The following SEC11C variants were observed in gnomAD, a reference collection of about 807,000 sequenced individuals.
SEC11C encodes the protein signal peptidase complex catalytic subunit SEC11C.
SEC11C carries 10 observed loss-of-function variants against 21.9 expected under a neutral mutation model. The observed-to-expected ratio is 0.46, with a 90% CI of 0.28 to 0.77. SEC11C has a LOEUF of 0.77. Ranked by LOEUF, SEC11C falls within the 30% of genes least tolerant of loss-of-function variation. The pLI, the probability that SEC11C is intolerant of heterozygous loss-of-function variation, is 0.12. For synonymous variants in SEC11C, 83 were observed against 85.6 expected (o/e 0.97, Z 0.17); for missense variants, 145 against 244.5 (o/e 0.59, Z 2.71).
chr18:59,144,321 A>G (rs2144026744), intron 1 of SEC11C, among the ~76,000 whole-genome samples: 1 of 152,352 alleles, frequency 6.6e-6, no homozygotes, highest in East Asian at 1.9e-4. Flanking sequence ...ACCTCTTAAT[A>G]CTAATGCCAA....
intron 5 of SEC11C, among the ~76,000 whole-genome samples, chr18:59,157,901 C>A (rs1011855025): frequency 2.0e-5 from 3 of 152,038 alleles, no homozygotes; most frequent in African/African-American, 7.2e-5. Context: ...CTAATTGTTG[C>A]TTTTTATTAT....
chr18:59,141,248 G>T (rs999971961), intron 1 of SEC11C, among the ~76,000 whole-genome samples: 1 of 152,288 alleles, frequency 6.6e-6, no homozygotes, highest in South Asian at 2.1e-4. Context: ...TTAGGATGTG[G>T]TAGTGTCTAG....
chr18:59,152,848 G>T, intron 3 of SEC11C, 163 bp downstream of exon 3: 2 of 553,544 alleles, frequency 3.6e-6, no homozygotes, highest in Non-Finnish European at 3.1e-6. Flanking sequence ...GATGGGAGTT[G>T]TAGTAGTTAA....
At chr18:59,155,934 A>G (rs1216535231) in intron 4 of SEC11C, 127 bp downstream of exon 4, 16 of 1,128,734 alleles carry the variant, frequency 1.4e-5, no homozygotes, top group East Asian at 2.6e-5. Flanking sequence ...AAGCAGTTCT[A>G]GTTTATCCTG....
chr18:59,158,130 A>G (rs894700809), intron 5 of SEC11C, among the ~76,000 whole-genome samples: 3 of 152,122 alleles, frequency 2.0e-5, no homozygotes, highest in Non-Finnish European at 2.9e-5. Flanking sequence ...ATTTCGGCTC[A>G]CCACAACCTC....
At chr18:59,156,120 C>A in intron 4 of SEC11C, 1 of 214,630 alleles carries the variant, frequency 4.7e-6, no homozygotes, top group Non-Finnish European at 9.2e-6. Flanking sequence ...TCACTTGAGC[C>A]CAGGAGTTCC....
At chr18:59,142,705 T>C (rs974667074) in intron 1 of SEC11C, among the ~76,000 whole-genome samples, 2 of 152,210 alleles carry the variant, frequency 1.3e-5, no homozygotes, top group African/African-American at 2.4e-5. Context: ...TTCTTAAGTA[T>C]TTGCTTTGTG....
At chr18:59,149,864 A>G (rs1195216167) in intron 2 of SEC11C, among the ~76,000 whole-genome samples, 1 of 152,190 alleles carries the variant, frequency 6.6e-6, no homozygotes, top group African/African-American at 2.4e-5. Flanking sequence ...ATGCTCGTGT[A>G]CCTAATCCAT....
At chr18:59,151,075 A>C (rs1227129922) in intron 2 of SEC11C, among the ~76,000 whole-genome samples, 1 of 152,180 alleles carries the variant, frequency 6.6e-6, no homozygotes, top group Non-Finnish European at 1.5e-5. Flanking sequence ...CCCATGAGGA[A>C]AGCAAGTAGA....
intron 1 of SEC11C, among the ~76,000 whole-genome samples, chr18:59,142,454 C>T (rs570744305): frequency 3.3e-5 from 5 of 152,294 alleles, no homozygotes; most frequent in African/African-American, 1.2e-4. Context: ...TGGGGCTTTC[C>T]TCATCAGATC....
At position 59,139,993 on chromosome 18, in the gene SEC11C, C is replaced by T. The variant is rs201963832; in HGVS notation, c.45C>T (p.Gly15=). The change falls in exon 1 of 6, where the codon GGC becomes GGT. Residue 15 remains glycine, a synonymous_variant. Transcript: ENST00000587834. ...TGGGGGCTCATCTCCCCGCGTCCGG[C>T]TTGGATATCTTCGGGGACCTGAAGA... ...GAVGAHLPAS[G]LDIFGDLKKM... is the part of the protein sequence containing the mutation. The T allele has an allele frequency of 1.1e-5, 18 of 1,594,956 alleles. No individual in the cohort carries two copies. The highest frequency in any genetic ancestry group is 1.7e-5 in the Admixed American group (1 of 58,846).
chr18:59,155,906 A>C (rs748648641), intron 4 of SEC11C, 99 bp downstream of exon 4: 110 of 1,371,460 alleles, frequency 8.0e-5, no homozygotes, highest in Non-Finnish European at 1.1e-4. Flanking sequence ...TACAAATATG[A>C]CATATCAGGA....
chr18:59,142,362 A>G (rs1362999639), intron 1 of SEC11C, among the ~76,000 whole-genome samples: 1 of 131,522 alleles, frequency 7.6e-6, no homozygotes, highest in East Asian at 2.7e-4. Flanking sequence ...TTTACTGGCT[A>G]AGTGGCAAGA....
chr18:59,153,874 T>G (rs2069388672), intron 3 of SEC11C, among the ~76,000 whole-genome samples: 1 of 152,044 alleles, frequency 6.6e-6, no homozygotes, highest in Admixed American at 6.6e-5. Flanking sequence ...ACCCGGCTAA[T>G]TTTTGTATTT....
rs1316888691 is a variant in SEC11C at position 59,155,654 on chromosome 18, A to G, written c.348-34A>G. 5 of 1,601,760 alleles carry G rather than the reference A, an allele frequency of 3.1e-6. No individual in the cohort carries two copies. In the African/African-American group the frequency reaches 4.0e-5, roughly 13 times the overall value. The stretch of plus-strand genomic sequence containing the variant: ...TTTTGTTAATGATGCTGTGCTGAAA[A>G]TAATTTTTGAGAAGACATTATTTTG... On this transcript the variant is annotated intron_variant, in intron 3 of 5. Coordinates refer to ENST00000587834, the MANE Select transcript of SEC11C (RefSeq NM_033280.4).
chr18:59,139,918 G>T lies in SEC11C; in HGVS notation c.-31G>T. On this transcript the variant is annotated 5_prime_UTR_variant, in exon 1 of 6. Transcript: ENST00000587834. ...GCAGCCGTCTGTGCCACCCAGAGCC[G>T]GCGGGCCGCTAGGTCCCCGGAGACC... is the stretch of plus-strand genomic sequence containing the variant. 5 of 1,489,894 alleles carry T rather than the reference G, an allele frequency of 3.4e-6. No homozygotes were observed. Among genetic ancestry groups the T allele is most frequent in the Non-Finnish European group, 4.5e-6 (5 of 1,113,470 alleles). The allele number at this position is 1,489,894 out of a possible 1,614,324, so 92.3% of individuals were successfully genotyped here. A position where few individuals can be genotyped will look rare whatever the true frequency, so the allele number is the denominator to read the frequency against.
At chr18:59,140,156 C>T (rs1215400520) in intron 1 of SEC11C, 121 bp downstream of exon 1, 5 of 812,902 alleles carry the variant, frequency 6.2e-6, no homozygotes, top group Non-Finnish European at 9.4e-6. Context: ...CCCGAAGCTC[C>T]CGCGCTGGGC....
chr18:59,146,202 C>T (rs536391083), intron 1 of SEC11C, among the ~76,000 whole-genome samples: 8 of 152,116 alleles, frequency 5.3e-5, no homozygotes, highest in South Asian at 2.1e-4. Context: ...AAACTCCAGA[C>T]GTGTTTGGAA....
chr18:59,152,244 T>G lies in SEC11C; in HGVS notation c.198-292T>G, dbSNP rs144738545. On this transcript the variant is annotated intron_variant, in intron 2 of 5. Transcript: ENST00000587834. The stretch of plus-strand genomic sequence containing the variant: ...TATATTTGTAGATGCAGGACTTTTT[T>G]TAAAGCTAAAAATTGGTAGCTTTTA... Among the ~76,000 whole-genome samples, 45 of 152,136 alleles carry G rather than the reference T, an allele frequency of 3.0e-4. 2 individuals are homozygous for G. Among genetic ancestry groups the G allele is most frequent in the African/African-American group, 1.0e-3 (43 of 41,404 alleles).
Sources: gnomAD v4.1 joint callset for allele counts (sites outside exome capture counted in the v4.1 genomes callset) on GRCh38, gnomAD v4.1.1 for gene constraint, MANE v1.5 for transcripts, NCBI Gene and HGNC (gene_info 2026-07-23, HGNC 2026-07-21) for gene names.